Variants in ABCC10 observed in about 807,000 individuals in gnomAD.
The protein encoded by ABCC10 is ATP binding cassette subfamily C member 10.
In ABCC10, 110 loss-of-function variants were observed where a neutral mutation model predicts 143.2. The observed-to-expected ratio is 0.77, with a 90% CI of 0.66 to 0.90. ABCC10 has a LOEUF of 0.90. Ranked by LOEUF, ABCC10 falls within the 40% of genes least tolerant of loss-of-function variation. The probability of loss-of-function intolerance (pLI) is 0.00; values close to 1 mark genes in which losing one functional copy is unlikely to be tolerated. For synonymous variants in ABCC10, 805 were observed against 846.7 expected (o/e 0.95, Z 0.85); for missense variants, 1,700 against 1,900.5 (o/e 0.89, Z 1.96).
Position 43,447,389 on chromosome 6 carries a change from C to G in ABCC10, c.3686C>G (p.Pro1229Arg). 6.2e-7 allele frequency: 1 copy of G among 1,613,158 alleles called. No homozygotes were observed. The highest frequency in any genetic ancestry group is 8.5e-7 in the Non-Finnish European group (1 of 1,179,918). Reference protein sequence around the residue: ...EEYTCDLPQEPQGQPLQLGTG... With the variant: ...EEYTCDLPQERQGQPLQLGTG... ...TACACCTGTGACCTGCCCCAGGAAC[C>G]CCAGGGCCAGCCACTGCAGGTGGGC... Residue 1229 changes from proline to arginine, a missense_variant, in exon 17 of 22, where the codon CCC becomes CGC. Coordinates refer to ENST00000372530, the MANE Select transcript of ABCC10 (RefSeq NM_001198934.2).
chr6:43,439,796 A>G (rs570221600), intron 8 of ABCC10, among the ~76,000 whole-genome samples: 18 of 151,976 alleles, frequency 1.2e-4, no homozygotes, highest in African/African-American at 4.1e-4. Flanking sequence ...GTTGGCCAGA[A>G]TGGTCTCCAT....
chr6:43,447,859 T>C lies in ABCC10; in HGVS notation c.3881T>C (p.Phe1294Ser). ...AAGTCTTCCCTGTTGTTGGTGCTCT[T>C]CCGGCTGCTAGAGCCCAGTTCAGGG... is the stretch of plus-strand genomic sequence containing the variant. ...SGKSSLLLVL[F>S]RLLEPSSGRV... The change falls in exon 18 of 22, where the codon TTC (phenylalanine) becomes TCC (serine). Residue 1294 changes from phenylalanine (F) to serine (S), a missense_variant. By Grantham distance (155) the Phe-to-Ser change is radical (BLOSUM62 -2). Transcript: ENST00000372530. The C allele has an allele frequency of 6.2e-7, 1 of 1,613,890 alleles. No homozygotes were observed. Among genetic ancestry groups the C allele is most frequent in the Non-Finnish European group, 8.5e-7 (1 of 1,180,020 alleles).
intron 16 of ABCC10, chr6:43,446,654 T>C: frequency 2.0e-6 from 2 of 985,308 alleles, no homozygotes; most frequent in Non-Finnish European, 2.4e-6. Flanking sequence ...GCTTGGGGAC[T>C]AGAATGAGTC....
chr6:43,443,424 A>AT lies in ABCC10; in HGVS notation c.2416+266dup. 1 of 410,176 alleles carries AT rather than the reference A, an allele frequency of 2.4e-6. No individual in the cohort carries two copies. The highest frequency in any genetic ancestry group is 4.0e-5 in the Admixed American group (1 of 25,248). The allele number at this position is 410,176 out of a possible 1,614,324, so 25.4% of individuals were successfully genotyped here. On this transcript the variant is annotated intron_variant, in intron 10 of 21. Transcript: ENST00000372530. This position sits in a 1 kb window ranked among gnomAD's most constrained non-coding sequence, Gnocchi z 4.2. ...GCCCAGGGTCTCTGAGAACATTCTC[A>AT]TATCTTCAGAGAAGAGAAAGGAGTC...
At chr6:43,428,460 T>C (rs1322902296) in intron 2 of ABCC10, among the ~76,000 whole-genome samples, 1 of 152,156 alleles carries the variant, frequency 6.6e-6, no homozygotes, top group Non-Finnish European at 1.5e-5. Flanking sequence ...TCAGCTGTCA[T>C]GAATTGGAGG....
Position 43,443,994 on chromosome 6 carries a change from A to G in ABCC10, c.2478A>G (p.Gly826=), listed in dbSNP as rs190906631. The change falls in exon 11 of 22, where the codon GGA becomes GGG. Residue 826 remains glycine, a synonymous_variant. Transcript: ENST00000372530. The surrounding 1 kb of genome is among the most constrained non-coding windows in gnomAD (Gnocchi z 4.2). ...TCCCCAAAGCCTGGGCTGAGAATGG[A>G]CAAGAGTCTGACTCAGGTATGGCTC... ...QAVPKAWAEN[G]QESDSATAQS... 4.6e-4 allele frequency: 736 copies of G among 1,614,160 alleles called. 3 individuals are homozygous for G. In the East Asian group the frequency reaches 0.014, roughly 31 times the overall value.
At chr6:43,431,829 C>T (rs1781170151) in intron 2 of ABCC10, 1 of 1,224,160 alleles carries the variant, frequency 8.2e-7, no homozygotes, top group African/African-American at 1.6e-5. Flanking sequence ...ATGTTAAGTA[C>T]AATCTTACCT....
Position 43,450,129 on chromosome 6 carries a change from T to C in ABCC10, c.*38T>C. ...ACCCTGCAGAGTTCTCCCCTCTCTC[T>C]GATCCAGGCCGGGCCTATACAGAGG... On this transcript the variant is annotated 3_prime_UTR_variant, in exon 22 of 22. Coordinates refer to ENST00000372530, the MANE Select transcript of ABCC10 (RefSeq NM_001198934.2). This position sits in a 1 kb window ranked among gnomAD's most constrained non-coding sequence, Gnocchi z 4.5. 1 of 1,557,690 alleles carries C rather than the reference T, an allele frequency of 6.4e-7. No individual in the cohort carries two copies. The highest frequency in any genetic ancestry group is 8.7e-7 in the Non-Finnish European group (1 of 1,149,048).
chr6:43,444,281 T>A lies in ABCC10; in HGVS notation c.2617T>A (p.Tyr873Asn). The A allele has an allele frequency of 6.2e-7, 1 of 1,614,074 alleles. No individual in the cohort carries two copies. Among genetic ancestry groups the A allele is most frequent in the Non-Finnish European group, 8.5e-7 (1 of 1,179,990 alleles). The change falls in exon 12 of 22, where the codon TAC (tyrosine) becomes AAC (asparagine). Residue 873 changes from tyrosine to asparagine, a missense_variant. Physicochemically the swap from Tyr to Asn is moderately radical, Grantham distance 143. Transcript: ENST00000372530. ...GGAGGGCGCCGTGGCCTTGCACGTG[T>A]ACCAAGCTTACTGGAAGGCCGTGGG... ...KKEGAVALHVYQAYWKAVGQG... is the reference protein window; with the variant it reads ...KKEGAVALHVNQAYWKAVGQG...
chr6:43,445,473 G>C, intron 14 of ABCC10, 126 bp from the exon 15 acceptor site: 1 of 1,368,362 alleles, frequency 7.3e-7, no homozygotes, highest in Admixed American at 2.0e-5. Flanking sequence ...CCAAATTCTG[G>C]GGATATTTTA....
At chr6:43,431,798 T>C in intron 2 of ABCC10, 2 of 1,131,958 alleles carry the variant, frequency 1.8e-6, no homozygotes, top group Non-Finnish European at 2.2e-6. Flanking sequence ...CCCAGGATTT[T>C]TTTTTTCCTA....
In ABCC10 at chr6:43,433,037, C is replaced by T; in HGVS notation, c.1057C>T (p.Leu353Phe). 1 of 1,614,150 alleles carries T rather than the reference C, an allele frequency of 6.2e-7. No homozygotes were observed. Among genetic ancestry groups the T allele is most frequent in the Middle Eastern group, 1.6e-4 (1 of 6,062 alleles). The change falls in exon 3 of 22, where the codon CTT becomes TTT. Residue 353 changes from leucine (L) to phenylalanine (F), a missense_variant. Transcript: ENST00000372530. ...QYGYEVYKVTLQARGAVLNIL... is the reference protein window; with the variant it reads ...QYGYEVYKVTFQARGAVLNIL... ...TGGGTATGAGGTATATAAGGTAACA[C>T]TTCAGGCACGGGGGGCTGTGCTGAA... is the stretch of plus-strand genomic sequence containing the variant.
At position 43,444,648 on chromosome 6, in the gene ABCC10, T is replaced by A. The variant is rs918222092; in HGVS notation, c.2690-140T>A. ...AGCCCACACTAGGGAGGATATGGGG[T>A]AGTGGCAGGGTGGGGAGGCCAGGCC... is the stretch of plus-strand genomic sequence containing the variant. On this transcript the variant is annotated intron_variant, in intron 12 of 21. Transcript: ENST00000372530. The A allele has an allele frequency of 7.4e-6, 9 of 1,221,234 alleles. No homozygotes were observed. In the African/African-American group the frequency reaches 1.2e-4, roughly 17 times the overall value. The allele number at this position is 1,221,234 out of a possible 1,614,324, so 75.6% of individuals were successfully genotyped here.
chr6:43,445,334 G>C lies in ABCC10; in HGVS notation c.3030+20G>C, dbSNP rs532051294. The C allele has an allele frequency of 2.1e-5, 34 of 1,605,892 alleles. No homozygotes were observed. Among genetic ancestry groups the C allele is most frequent in the African/African-American group, 1.6e-4 (12 of 74,420 alleles). On this transcript the variant is annotated intron_variant, in intron 14 of 21. Transcript: ENST00000372530. The stretch of plus-strand genomic sequence containing the variant: ...CTTATGGTGAGGGGCTGGGACCTCG[G>C]GGGTAGGGGAGTGCAGTCCTAGCCC...
At chr6:43,449,610 C>A in intron 21 of ABCC10, 76 bp downstream of exon 21, 1 of 1,258,534 alleles carries the variant, frequency 7.9e-7, no homozygotes, top group Non-Finnish European at 1.1e-6. Flanking sequence ...CTTTCAGGGA[C>A]CCCAGTGGTC....
At position 43,432,464 on chromosome 6, in the gene ABCC10, C is replaced by T. The variant is rs141369020; in HGVS notation, c.484C>T (p.Pro162Ser). Residue 162 changes from proline (P) to serine (S), a missense_variant, in exon 3 of 22, where the codon CCC (proline) becomes TCC (serine). Pro to Ser is a moderately conservative substitution (Grantham distance 74). Transcript: ENST00000372530. Reference sequence around the variant, plus strand: ...GCATTGCCAGCGAGGCACACTTCTGCCCCCACTTCTCCCAGGGCCCATGGC... The same window carrying T: ...GCATTGCCAGCGAGGCACACTTCTGTCCCCACTTCTCCCAGGGCCCATGGC... Reference protein sequence around the residue: ...LWHCQRGTLLPPLLPGPMARL... With the variant: ...LWHCQRGTLLSPLLPGPMARL... 2 of 1,611,796 alleles carry T rather than the reference C, an allele frequency of 1.2e-6. No individual in the cohort carries two copies.
At chr6:43,449,645 C>G (rs1426843615) in intron 21 of ABCC10, 111 bp downstream of exon 21, 8 of 891,186 alleles carry the variant, frequency 9.0e-6, no homozygotes, top group Admixed American at 8.1e-5. Flanking sequence ...CCTGCCCCCC[C>G]AGATCTCAGC....
intron 8 of ABCC10, among the ~76,000 whole-genome samples, chr6:43,439,685 G>A (rs1461546748): frequency 6.6e-6 from 1 of 152,146 alleles, no homozygotes; most frequent in Admixed American, 6.6e-5. Flanking sequence ...CTGGATTCAA[G>A]CGATTCTCCT....
chr6:43,448,104 C>T, intron 18 of ABCC10, 167 bp downstream of exon 18: 1 of 1,080,860 alleles, frequency 9.3e-7, no homozygotes, highest in Non-Finnish European at 1.4e-6. Flanking sequence ...TCCTAGTGCC[C>T]AGGTCCAGAT....
Sources: gnomAD v4.1 joint callset for allele counts (sites outside exome capture counted in the v4.1 genomes callset) on GRCh38, gnomAD v4.1.1 for gene constraint, Gnocchi (gnomAD v3.1) non-coding constraint, MANE v1.5 for transcripts, NCBI Gene and HGNC (gene_info 2026-07-23, HGNC 2026-07-21) for gene names.